Variants in KIFAP3 observed in about 807,000 individuals in gnomAD.
The protein encoded by KIFAP3 is kinesin associated protein 3.
Under a neutral mutation model 106.5 loss-of-function variants are expected in KIFAP3, and 68 were observed. The observed-to-expected ratio is 0.64, with a 90% CI of 0.53 to 0.78. The LOEUF (loss-of-function observed/expected upper bound fraction) is 0.78. Ranked by LOEUF, KIFAP3 falls within the 30% of genes least tolerant of loss-of-function variation. KIFAP3 has a pLI of 0.00. For synonymous variants in KIFAP3, 320 were observed against 311.5 expected (o/e 1.03, Z -0.29); for missense variants, 780 against 941.8 (o/e 0.83, Z 2.25).
chr1:169,928,663 C>G (rs1180711149), intron 19 of KIFAP3, among the ~76,000 whole-genome samples: 3 of 115,334 alleles, frequency 2.6e-5, no homozygotes, highest in Admixed American at 1.2e-4. Context: ...CCACTGCACT[C>G]CAGCCTGGGC....
At chr1:169,942,912 C>CT (rs1389339327) in intron 19 of KIFAP3, among the ~76,000 whole-genome samples, 2 of 92,912 alleles carry the variant, frequency 2.2e-5, no homozygotes, top group Admixed American at 3.2e-4. Flanking sequence ...TTAAAGACGC[C>CT]CCCCCCCACC....
chr1:169,926,383 T>C (rs1416157657), intron 19 of KIFAP3, among the ~76,000 whole-genome samples: 1 of 152,182 alleles, frequency 6.6e-6, no homozygotes, highest in Non-Finnish European at 1.5e-5. Flanking sequence ...CATTTTCTAG[T>C]GTTTGTCTTC....
chr1:169,941,157 G>A (rs1025840903), intron 19 of KIFAP3, among the ~76,000 whole-genome samples: 2 of 152,092 alleles, frequency 1.3e-5, no homozygotes, highest in African/African-American at 4.8e-5. Flanking sequence ...TACAATTTAA[G>A]TAGACATAGG....
intron 9 of KIFAP3, among the ~76,000 whole-genome samples, chr1:170,019,989 G>A (rs1338896145): frequency 6.6e-6 from 1 of 152,156 alleles, no homozygotes; most frequent in Non-Finnish European, 1.5e-5. Flanking sequence ...AAAGTCACAG[G>A]ACATAAGGTC....
At chr1:170,081,228 A>G (rs1672015454) in intron 1 of KIFAP3, among the ~76,000 whole-genome samples, 1 of 152,218 alleles carries the variant, frequency 6.6e-6, no homozygotes, top group Non-Finnish European at 1.5e-5. Context: ...ACTAAAAATG[A>G]GCAATTAATT....
chr1:169,979,162 A>G lies in KIFAP3; in HGVS notation c.1799-979T>C, dbSNP rs143200452. On this transcript the variant is annotated intron_variant, in intron 15 of 19. Coordinates refer to ENST00000361580, the MANE Select transcript of KIFAP3 (RefSeq NM_014970.4). The stretch of plus-strand genomic sequence containing the variant: ...GAATATCTTAGCTCTCTTGATTATA[A>G]TCACTATGGGACAGCAATTCCAGGA... 4.4e-3 allele frequency among the ~76,000 whole-genome samples: 674 copies of G among 152,192 alleles called. 1 individual carries two copies. The highest frequency in any genetic ancestry group is 7.6e-3 in the Non-Finnish European group (514 of 67,962).
chr1:170,052,418 G>A lies in KIFAP3; in HGVS notation c.164+2887C>T, dbSNP rs374166684. 2.0e-5 allele frequency among the ~76,000 whole-genome samples: 3 copies of A among 152,312 alleles called. No individual in the cohort carries two copies. The East Asian group carries it at 5.8e-4, about 29-fold the overall frequency. On this transcript the variant is annotated intron_variant, in intron 2 of 19. Transcript: ENST00000361580. ...TGCAGAATTCTACCAGAGGTACAAA[G>A]AGGAGTGGGTACCATTATTTCTGAA...
upstream of KIFAP3, among the ~76,000 whole-genome samples, chr1:170,078,156 C>G (rs1291717638): frequency 6.6e-6 from 1 of 152,054 alleles, no homozygotes; most frequent in Non-Finnish European, 1.5e-5. Flanking sequence ...TTCTGCATTT[C>G]TACCAACAAT....
chr1:170,060,078 C>T (rs1373504768), intron 1 of KIFAP3, among the ~76,000 whole-genome samples: 4 of 152,112 alleles, frequency 2.6e-5, no homozygotes. Flanking sequence ...TGGGCAAAAA[C>T]TGGAAGCATT....
chr1:169,948,495 G>GA lies in KIFAP3; in HGVS notation c.2273+5515_2273+5516insT, dbSNP rs1230098279. On this transcript the variant is annotated intron_variant, in intron 19 of 19. Transcript: ENST00000361580. ...ATGATTATTTTAAAAAGATTTTATA[G>GA]GTTTTTAGCAATTAGGTTAGTTCTT... 2.6e-5 allele frequency among the ~76,000 whole-genome samples: 4 copies of GA among 151,488 alleles called. No individual in the cohort carries two copies. The East Asian group carries it at 5.8e-4, about 22-fold the overall frequency.
chr1:170,019,702 G>A (rs1290108718), intron 9 of KIFAP3, among the ~76,000 whole-genome samples: 2 of 152,114 alleles, frequency 1.3e-5, no homozygotes, highest in African/African-American at 4.8e-5. Context: ...CTGATAGCAA[G>A]TATCTAAAAA....
chr1:170,024,582 G>T lies in KIFAP3; in HGVS notation c.856C>A (p.Leu286Ile). ...EQLLRVALYL[L>I]LNLAEDTRTE... is the part of the protein sequence containing the mutation. ...CGAGTATCCTCAGCAAGATTCAGAA[G>T]CAAATAAAGAGCAACTAGAAAAGTA... Residue 286 changes from leucine (L) to isoleucine (I), a missense_variant, in exon 9 of 20, where the codon CTT (leucine) becomes ATT (isoleucine). By Grantham distance (5) the Leu-to-Ile change is conservative (BLOSUM62 2). Transcript: ENST00000361580. 21 of 1,550,262 alleles carry T rather than the reference G, an allele frequency of 1.4e-5. No homozygotes were observed. The highest frequency in any genetic ancestry group is 1.8e-5 in the Non-Finnish European group (21 of 1,151,868).
chr1:170,003,642 G>GAGGC (rs1667781940), intron 10 of KIFAP3, among the ~76,000 whole-genome samples: 1 of 152,210 alleles, frequency 6.6e-6, no homozygotes, highest in African/African-American at 2.4e-5. Context: ...GGAGCCTACA[G>GAGGC]AGGCAGGCAG....
rs574202523 is a variant in KIFAP3 at position 169,945,053 on chromosome 1, C to T, written c.2273+8958G>A. ...CAACATGCCATCCAGGGTGCCCAGG[C>T]AGCCCATACTAAGCCACCTTCAGCA... On this transcript the variant is annotated intron_variant, in intron 19 of 19. Coordinates refer to ENST00000361580, the MANE Select transcript of KIFAP3 (RefSeq NM_014970.4). Among the ~76,000 whole-genome samples, 76 of 152,232 alleles carry T rather than the reference C, an allele frequency of 5.0e-4. 2 individuals are homozygous for T. The South Asian group carries it at 0.015, about 30-fold the overall frequency.
intron 11 of KIFAP3, among the ~76,000 whole-genome samples, chr1:169,987,842 T>C (rs141985755): frequency 3.3e-5 from 5 of 152,168 alleles, no homozygotes; most frequent in Non-Finnish European, 4.4e-5. Context: ...TGGATGGCAT[T>C]TGCACCCATT....
At chr1:169,926,557 C>T (rs1005738211) in intron 19 of KIFAP3, among the ~76,000 whole-genome samples, 1 of 151,710 alleles carries the variant, frequency 6.6e-6, no homozygotes, top group African/African-American at 2.4e-5. Flanking sequence ...ATATTGACTG[C>T]TTATAATTGA....
chr1:170,008,268 C>T (rs377232079), intron 10 of KIFAP3, among the ~76,000 whole-genome samples: 10 of 151,376 alleles, frequency 6.6e-5, no homozygotes, highest in South Asian at 4.3e-4. Flanking sequence ...AATTGACAAA[C>T]GGGATCTAAT....
intron 9 of KIFAP3, among the ~76,000 whole-genome samples, chr1:170,020,507 C>A (rs550126730): frequency 2.6e-5 from 4 of 151,934 alleles, no homozygotes; most frequent in Non-Finnish European, 5.9e-5. Flanking sequence ...CAGGCTGGAG[C>A]GACGATCTTG....
chr1:169,980,814 T>G (rs1042418635), intron 15 of KIFAP3, among the ~76,000 whole-genome samples: 3 of 151,932 alleles, frequency 2.0e-5, no homozygotes, highest in African/African-American at 7.3e-5. Flanking sequence ...CAGAAAGAAG[T>G]GATATAGCCG....
Sources: gnomAD v4.1 joint callset for allele counts (sites outside exome capture counted in the v4.1 genomes callset) on GRCh38, gnomAD v4.1.1 for gene constraint, MANE v1.5 for transcripts, NCBI Gene and HGNC (gene_info 2026-07-23, HGNC 2026-07-21) for gene names.